PRP4K: variants seen among roughly 807,000 people sequenced by gnomAD.
The protein encoded by PRP4K is serine/threonine-protein kinase PRP4 homolog.
the PRP4K span, among the ~76,000 whole-genome samples, chr6:4,033,519 G>A: frequency 6.6e-6 from 1 of 152,074 alleles, no homozygotes; most frequent in South Asian, 2.1e-4. Flanking sequence ...GCGGGGAGGA[G>A]TGTTTATACC....
the PRP4K span, chr6:4,050,424 C>T: frequency 8.5e-6 from 4 of 469,668 alleles, no homozygotes; most frequent in South Asian, 7.2e-5. Context: ...CATTTTAGTA[C>T]CTACTGTATG....
chr6:4,048,537 T>C, the PRP4K span, among the ~76,000 whole-genome samples: 1 of 152,112 alleles, frequency 6.6e-6, no homozygotes, highest in Non-Finnish European at 1.5e-5. Context: ...GAAATTTGTA[T>C]CTGGTTTTGA....
At chr6:4,049,502 C>A in the PRP4K span, 1 of 508,490 alleles carries the variant, frequency 2.0e-6, no homozygotes, top group Non-Finnish European at 3.4e-6. Context: ...TTAAAATCAT[C>A]AGCAGTTGAT....
At chr6:4,047,313 A>G in the PRP4K span, 1 of 1,240,984 alleles carries the variant, frequency 8.1e-7, no homozygotes, top group Non-Finnish European at 1.2e-6. Flanking sequence ...GCGTATATAC[A>G]TATAGAGAAA....
the PRP4K span, chr6:4,060,567 T>A: frequency 6.2e-7 from 1 of 1,613,838 alleles, no homozygotes; most frequent in Non-Finnish European, 8.5e-7. The surrounding 1 kb of genome is among the most constrained non-coding windows in gnomAD (Gnocchi z 4.7). Flanking sequence ...GCTAAACGAA[T>A]TAGCATCAAC....
the PRP4K span, among the ~76,000 whole-genome samples, chr6:4,028,315 A>G: frequency 4.6e-5 from 7 of 152,012 alleles, no homozygotes; most frequent in African/African-American, 1.2e-4. Flanking sequence ...GGTTCAAGTG[A>G]TCCTACCTCA....
chr6:4,056,962 A>G, the PRP4K span: 1 of 1,387,226 alleles, frequency 7.2e-7, no homozygotes, highest in Admixed American at 2.3e-5. Flanking sequence ...CCAGCCCCTC[A>G]TTAATGGAAA....
the PRP4K span, chr6:4,056,981 A>C: frequency 6.9e-7 from 1 of 1,450,376 alleles, no homozygotes; most frequent in Admixed American, 2.3e-5. Context: ...AATAAAAATT[A>C]ATAGTCGTCA....
the PRP4K span, among the ~76,000 whole-genome samples, chr6:4,059,357 C>G: frequency 6.6e-6 from 1 of 152,172 alleles, no homozygotes; most frequent in Non-Finnish European, 1.5e-5. Flanking sequence ...ATTTCCTGTG[C>G]TGCCTCACCC....
chr6:4,031,128 ATAGT>A, the PRP4K span, among the ~76,000 whole-genome samples: 2 of 152,212 alleles, frequency 1.3e-5, no homozygotes, highest in African/African-American at 4.8e-5. Context: ...GTGTATGTTA[ATAGT>A]TAGTAGGTCT....
the PRP4K span, chr6:4,043,673 T>C: frequency 8.5e-6 from 7 of 822,434 alleles, no homozygotes; most frequent in South Asian, 1.3e-4. Flanking sequence ...GCAGATTTGA[T>C]TGAACCAATA....
chr6:4,052,929 C>G, the PRP4K span: 1 of 1,459,306 alleles, frequency 6.9e-7, no homozygotes, highest in African/African-American at 1.4e-5. Context: ...TCACTTCTTA[C>G]TAGCAGTAAT....
At chr6:4,054,572 T>C in the PRP4K span, among the ~76,000 whole-genome samples, 20 of 152,182 alleles carry the variant, frequency 1.3e-4, no homozygotes, top group Non-Finnish European at 2.6e-4. Context: ...AATGGCGTGA[T>C]CTCGGCTCAC....
At chr6:4,031,634 G>A in the PRP4K span, 4 of 1,600,740 alleles carry the variant, frequency 2.5e-6, no homozygotes, top group African/African-American at 2.7e-5. Flanking sequence ...CTCAAAATAA[G>A]CACAGTCGTC....
the PRP4K span, among the ~76,000 whole-genome samples, chr6:4,033,891 T>C: frequency 1.3e-5 from 2 of 152,192 alleles, no homozygotes; most frequent in Non-Finnish European, 2.9e-5. Context: ...GATTCTGTTA[T>C]CTCAAGTGCT....
chr6:4,057,207 T>G, the PRP4K span: 1 of 1,601,936 alleles, frequency 6.2e-7, no homozygotes, highest in Non-Finnish European at 8.5e-7. Flanking sequence ...TAGCATGAGC[T>G]TCTTTAAGGT....
At chr6:4,042,263 TTTTGG>T in the PRP4K span, among the ~76,000 whole-genome samples, 1 of 152,304 alleles carries the variant, frequency 6.6e-6, no homozygotes, top group South Asian at 2.1e-4. Flanking sequence ...TTATTCCCAA[TTTTGG>T]TGCCATGAAA....
At chr6:4,061,393 T>C in the PRP4K span, 1 of 152,688 alleles carries the variant, frequency 6.5e-6, no homozygotes, top group African/African-American at 2.4e-5. Flanking sequence ...AACTTTACTT[T>C]TTTTAAATCA....
the PRP4K span, among the ~76,000 whole-genome samples, chr6:4,044,863 A>ATTTTTTTTTTTTTTT: frequency 7.6e-6 from 1 of 132,326 alleles, no homozygotes; most frequent in Non-Finnish European, 1.6e-5. Flanking sequence ...TATTATTATT[A>ATTTTTTTTTTTTTTT]TTTTTTTTTT....
Sources: allele counts gnomAD v4.1 joint callset (sites outside exome capture counted in the v4.1 genomes callset), GRCh38; gene constraint gnomAD v4.1.1; non-coding constraint Gnocchi (gnomAD v3.1); transcripts MANE v1.5; gene names NCBI Gene and HGNC (gene_info 2026-07-23, HGNC 2026-07-21).